TCERG1L: variants seen among roughly 807,000 people sequenced by gnomAD.
TCERG1L encodes the protein transcription elongation regulator 1 like.
A neutral mutation model predicts 56.3 loss-of-function variants in TCERG1L; 37 were observed. That is an observed-to-expected ratio of 0.66 (90% CI 0.51 to 0.87). TCERG1L has a LOEUF of 0.87. Among genes scored for constraint, TCERG1L ranks in the 40% least tolerant of loss-of-function variants. TCERG1L has a pLI of 0.00. For synonymous variants in TCERG1L, 324 were observed against 326.3 expected (o/e 0.99, Z 0.08); for missense variants, 799 against 774.2 (o/e 1.03, Z -0.38).
chr10:131,125,688 G>A (rs535773346), intron 8 of TCERG1L, among the ~76,000 whole-genome samples: 3 of 152,182 alleles, frequency 2.0e-5, no homozygotes, highest in African/African-American at 4.8e-5. Context: ...CAGGGGTGTC[G>A]GTTCCGCCAG....
At chr10:131,123,816 T>C (rs1047839119) in intron 8 of TCERG1L, among the ~76,000 whole-genome samples, 1 of 152,164 alleles carries the variant, frequency 6.6e-6, no homozygotes, top group African/African-American at 2.4e-5. Flanking sequence ...GTTATTCCCA[T>C]TAGGACCCCA....
In TCERG1L at chr10:131,311,493, C is replaced by T. The variant is rs959891741; in HGVS notation, c.143G>A (p.Gly48Glu). ...GACCCCCGCGCTGAGCCGGAGCAGC[C>T]CGGCCGAGCCCGGCACCATCCAGAC... Reference protein sequence around the residue: ...PWVWMVPGSAGLLRLSAGVVV... With the variant: ...PWVWMVPGSAELLRLSAGVVV... The change falls in exon 1 of 12, where the codon GGG becomes GAG. Residue 48 changes from glycine to glutamate, a missense_variant. Transcript: ENST00000368642. The surrounding 1 kb of genome is among the most constrained non-coding windows in gnomAD (Gnocchi z 4.0). 2.5e-6 allele frequency: 3 copies of T among 1,199,614 alleles called. No homozygotes were observed. Among genetic ancestry groups the T allele is most frequent in the African/African-American group, 1.6e-5 (1 of 61,954 alleles). The allele number at this position is 1,199,614 out of a possible 1,614,324, so 74.3% of individuals were successfully genotyped here.
Position 131,166,795 on chromosome 10 carries a change from A to G in TCERG1L, c.945+2T>C. 6.2e-7 allele frequency: 1 copy of G among 1,613,888 alleles called. No individual in the cohort carries two copies. Among genetic ancestry groups the G allele is most frequent in the Non-Finnish European group, 8.5e-7 (1 of 1,179,870 alleles). On this transcript the variant is annotated splice_donor_variant, in intron 5 of 11. Transcript: ENST00000368642. LOFTEE classifies it high-confidence loss of function. ...AACACACACACGAGCCCCGAAACTG[A>G]CCTTGTCTTCTTTGTCTCCATCCCG...
intron 4 of TCERG1L, among the ~76,000 whole-genome samples, chr10:131,252,386 A>G (rs12253893): frequency 0.035 from 5,282 of 152,226 alleles, 117 homozygotes; most frequent in East Asian, 0.066. Context: ...CATGGTCTCT[A>G]GAGTTTAAGT....
At chr10:131,232,937 G>C (rs1338559233) in intron 4 of TCERG1L, among the ~76,000 whole-genome samples, 3 of 152,190 alleles carry the variant, frequency 2.0e-5, no homozygotes, top group African/African-American at 7.2e-5. Flanking sequence ...AGGCTACATA[G>C]AGAGTTACTT....
intron 3 of TCERG1L, among the ~76,000 whole-genome samples, chr10:131,265,081 C>T (rs117555886): frequency 2.4e-3 from 370 of 151,898 alleles, no homozygotes; most frequent in Non-Finnish European, 4.4e-3. Flanking sequence ...TTTTTTTTAA[C>T]GAACTCAATC....
chr10:131,220,696 C>T (rs1014097706), intron 4 of TCERG1L, among the ~76,000 whole-genome samples: 1 of 152,136 alleles, frequency 6.6e-6, no homozygotes, highest in African/African-American at 2.4e-5. Flanking sequence ...CCCACGTGGG[C>T]AGCCAGGCCG....
At chr10:131,159,485 C>T (rs1412912916) in intron 6 of TCERG1L, among the ~76,000 whole-genome samples, 1 of 152,084 alleles carries the variant, frequency 6.6e-6, no homozygotes, top group Non-Finnish European at 1.5e-5. Flanking sequence ...GCAAAGACAC[C>T]CTTTCTAAGC....
intron 4 of TCERG1L, among the ~76,000 whole-genome samples, chr10:131,234,888 GA>G (rs1246799570): frequency 1.3e-5 from 2 of 152,166 alleles, no homozygotes; most frequent in Non-Finnish European, 2.9e-5. Flanking sequence ...ATTTTTAGTA[GA>G]GAAAGGGTTT....
intron 4 of TCERG1L, among the ~76,000 whole-genome samples, chr10:131,187,759 G>A (rs1439241244): frequency 6.6e-6 from 1 of 152,204 alleles, no homozygotes; most frequent in Non-Finnish European, 1.5e-5. Flanking sequence ...TTGTTCGCCT[G>A]GAGAGCTTTC....
intron 8 of TCERG1L, among the ~76,000 whole-genome samples, chr10:131,124,430 G>C (rs1845544864): frequency 3.3e-5 from 5 of 152,204 alleles, no homozygotes; most frequent in Admixed American, 3.3e-4. Context: ...GATGCTTCTG[G>C]AATTTGTCCA....
In TCERG1L at chr10:131,311,259, G is replaced by A; in HGVS notation, c.342+35C>T. The A allele has an allele frequency of 3.4e-6, 4 of 1,193,600 alleles. No individual in the cohort carries two copies. Among genetic ancestry groups the A allele is most frequent in the Non-Finnish European group, 1.0e-6 (1 of 962,848 alleles). 73.9% of individuals were successfully genotyped at this position (1,193,600 alleles called of 1,614,324 possible). On this transcript the variant is annotated intron_variant, in intron 1 of 11. Coordinates refer to ENST00000368642, the MANE Select transcript of TCERG1L (RefSeq NM_174937.4). This position sits in a 1 kb window ranked among gnomAD's most constrained non-coding sequence, Gnocchi z 4.0. Reference sequence around the variant, plus strand: ...GGCGCGCCCAGGAGCAGGGGAGACGGCGACCCGGGCCGAGGCGGGACGGGG... The same window carrying A: ...GGCGCGCCCAGGAGCAGGGGAGACGACGACCCGGGCCGAGGCGGGACGGGG...
chr10:131,250,288 C>T (rs959998922), intron 4 of TCERG1L, among the ~76,000 whole-genome samples: 34 of 152,212 alleles, frequency 2.2e-4, no homozygotes, highest in African/African-American at 7.5e-4. Flanking sequence ...GTGCTTCCTG[C>T]GAGATGAGGA....
At chr10:131,137,054 C>A (rs1845683175) in intron 7 of TCERG1L, among the ~76,000 whole-genome samples, 1 of 151,922 alleles carries the variant, frequency 6.6e-6, no homozygotes, top group African/African-American at 2.4e-5. Context: ...GCAGGAGAAT[C>A]ACTTGAAAAC....
At chr10:131,128,385 G>C (rs1845583652) in intron 8 of TCERG1L, among the ~76,000 whole-genome samples, 1 of 152,158 alleles carries the variant, frequency 6.6e-6, no homozygotes, top group Non-Finnish European at 1.5e-5. Flanking sequence ...TCAAGAAAAT[G>C]CCCTTACAGA....
At chr10:131,124,712 A>G (rs938986883) in intron 8 of TCERG1L, among the ~76,000 whole-genome samples, 1 of 152,102 alleles carries the variant, frequency 6.6e-6, no homozygotes, top group African/African-American at 2.4e-5. Flanking sequence ...CACCTTCTTT[A>G]TCCCCCAAAT....
intron 6 of TCERG1L, among the ~76,000 whole-genome samples, chr10:131,148,751 TA>T (rs1294409695): frequency 6.6e-6 from 1 of 152,184 alleles, no homozygotes; most frequent in Non-Finnish European, 1.5e-5. Context: ...GACCTCCCCA[TA>T]GGCTCCAGAA....
chr10:131,309,568 C>T (rs1474814457), intron 1 of TCERG1L, among the ~76,000 whole-genome samples: 1 of 152,072 alleles, frequency 6.6e-6, no homozygotes, highest in Admixed American at 6.5e-5. Context: ...ACCACAAGCA[C>T]GCAGTAAGAA....
intron 9 of TCERG1L, among the ~76,000 whole-genome samples, chr10:131,109,002 C>A (rs1450071697): frequency 6.6e-6 from 1 of 152,138 alleles, no homozygotes; most frequent in African/African-American, 2.4e-5. Context: ...TGCAACATCG[C>A]CACGGGTGTG....
Sources: allele counts gnomAD v4.1 joint callset (sites outside exome capture counted in the v4.1 genomes callset), GRCh38; gene constraint gnomAD v4.1.1; non-coding constraint Gnocchi (gnomAD v3.1); transcripts MANE v1.5; gene names NCBI Gene and HGNC (gene_info 2026-07-23, HGNC 2026-07-21).